The following FRMD3 variants were observed in gnomAD, a reference collection of about 807,000 sequenced individuals.
FRMD3 encodes the protein FERM domain containing 3, also known as FERM domain-containing protein 3.
FRMD3 carries 33 observed loss-of-function variants against 70.2 expected under a neutral mutation model. That is an observed-to-expected ratio of 0.47 (90% CI 0.36 to 0.63). The LOEUF (loss-of-function observed/expected upper bound fraction) is 0.63, where lower values mean the gene tolerates loss of function less well. Among genes scored for constraint, FRMD3 ranks in the 20% least tolerant of loss-of-function variants. FRMD3 has a pLI of 0.00. For synonymous variants in FRMD3, 279 were observed against 255.9 expected (o/e 1.09, Z -0.86); for missense variants, 632 against 711.4 (o/e 0.89, Z 1.27).
At chr9:83,516,670 T>G (rs1829462252) in intron 1 of FRMD3, among the ~76,000 whole-genome samples, 1 of 152,190 alleles carries the variant, frequency 6.6e-6, no homozygotes, top group African/African-American at 2.4e-5. Context: ...AGAATATACA[T>G]TCTTCTCAGC....
the FRMD3 span, among the ~76,000 whole-genome samples, chr9:83,554,985 C>T: frequency 6.6e-6 from 1 of 152,192 alleles, no homozygotes; most frequent in Non-Finnish European, 1.5e-5. Context: ...GCAGCCTGTC[C>T]CTCCCTCTGG....
chr9:83,513,980 T>C (rs897700620), intron 1 of FRMD3, among the ~76,000 whole-genome samples: 1 of 152,222 alleles, frequency 6.6e-6, no homozygotes, highest in Non-Finnish European at 1.5e-5. Flanking sequence ...GACCAGGAGA[T>C]TCCCTTGGGT....
intron 6 of FRMD3, among the ~76,000 whole-genome samples, chr9:83,319,751 A>T (rs1355938330): frequency 6.6e-6 from 1 of 152,202 alleles, no homozygotes; most frequent in African/African-American, 2.4e-5. Flanking sequence ...AATGGGTCAC[A>T]TGAGATCCAA....
chr9:83,306,151 A>C (rs1835127444), intron 10 of FRMD3, among the ~76,000 whole-genome samples: 1 of 152,178 alleles, frequency 6.6e-6, no homozygotes. Flanking sequence ...AATGTCTCCA[A>C]GTTATTCTTT....
intron 1 of FRMD3, among the ~76,000 whole-genome samples, chr9:83,501,287 C>G (rs1300329790): frequency 6.7e-6 from 1 of 150,260 alleles, no homozygotes; most frequent in Non-Finnish European, 1.5e-5. Context: ...GAGCGAGACT[C>G]CATCTCAAAA....
chr9:83,415,763 A>G (rs1826422620), intron 1 of FRMD3, among the ~76,000 whole-genome samples: 3 of 151,826 alleles, frequency 2.0e-5, no homozygotes, highest in Admixed American at 6.6e-5. Context: ...CCCAGCCGAG[A>G]AAGGAAATTC....
rs538200581 is a variant in FRMD3, at chr9:83,263,145, G to A, written c.1196-14629C>T. On this transcript the variant is annotated intron_variant, in intron 13 of 13. Transcript: ENST00000304195. ...GCCGTCCTATGGTGCTGACAGCAAC[G>A]GCATGAGGGGAAGCTTGGCTGACTG... Among the ~76,000 whole-genome samples the A allele has an allele frequency of 9.8e-5, 15 of 152,300 alleles. No individual in the cohort carries two copies. In the South Asian group the frequency reaches 1.7e-3, roughly 17 times the overall value.
At chr9:83,539,113 A>C (rs1829965706), upstream of FRMD3, among the ~76,000 whole-genome samples, 1 of 152,152 alleles carries the variant, frequency 6.6e-6, no homozygotes. Context: ...AGCAAGAGGG[A>C]TAGGTTCCTA....
intron 7 of FRMD3, 121 bp from the exon 8 acceptor site, chr9:83,312,096 G>A: frequency 5.6e-6 from 4 of 718,514 alleles, no homozygotes; most frequent in East Asian, 2.8e-5. Context: ...CCCAATGATT[G>A]TAGCAATAAA....
At chr9:83,418,045 T>C (rs1458016534) in intron 1 of FRMD3, among the ~76,000 whole-genome samples, 1 of 143,328 alleles carries the variant, frequency 7.0e-6, no homozygotes, top group Non-Finnish European at 1.5e-5. Flanking sequence ...ACCGTGCTTT[T>C]GAAGAGCTTG....
intron 4 of FRMD3, among the ~76,000 whole-genome samples, chr9:83,347,066 G>A (rs1823987038): frequency 6.6e-6 from 1 of 152,124 alleles, no homozygotes; most frequent in South Asian, 2.1e-4. Flanking sequence ...GATGAGTTTG[G>A]CCATGAAAAA....
chr9:83,431,608 CT>C (rs1266853197), intron 1 of FRMD3, among the ~76,000 whole-genome samples: 1 of 151,958 alleles, frequency 6.6e-6, no homozygotes, highest in African/African-American at 2.4e-5. Context: ...TTTGACTTCT[CT>C]GCTATTTTAG....
intron 6 of FRMD3, among the ~76,000 whole-genome samples, chr9:83,326,886 T>C (rs1461510677): frequency 6.6e-6 from 1 of 152,228 alleles, no homozygotes; most frequent in Non-Finnish European, 1.5e-5. Context: ...TAATTGTGTA[T>C]TTAGCTGTAT....
intron 1 of FRMD3, among the ~76,000 whole-genome samples, chr9:83,523,580 C>T (rs1056524574): frequency 1.3e-5 from 2 of 152,060 alleles, no homozygotes; most frequent in African/African-American, 4.8e-5. Context: ...GTTGAATAAT[C>T]GCATTAAAAG....
chr9:83,431,319 T>C (rs768529314), intron 1 of FRMD3, among the ~76,000 whole-genome samples: 5 of 152,260 alleles, frequency 3.3e-5, no homozygotes, highest in Non-Finnish European at 7.3e-5. Flanking sequence ...AAATGCTCAT[T>C]ATTCCCATGT....
At chr9:83,462,818 T>A (rs1253235745) in intron 1 of FRMD3, among the ~76,000 whole-genome samples, 1 of 152,220 alleles carries the variant, frequency 6.6e-6, no homozygotes, top group Non-Finnish European at 1.5e-5. Flanking sequence ...CTCAATGAAC[T>A]GTCCTGGCAC....
Position 83,290,652 on chromosome 9 carries a change from G to A in FRMD3, c.1146C>T (p.Pro382=), listed in dbSNP as rs1834380654. Residue 382 remains proline, a synonymous_variant, in exon 13 of 14, where the codon CCC becomes CCT. Coordinates refer to ENST00000304195, the MANE Select transcript of FRMD3 (RefSeq NM_174938.6). ...QLIINMEPLQ[P]LLPSPSEQEE... ...CTTGCTCGCTGGGGGAAGGAAGCAG[G>A]GGCTGCAGGGGTTCCATGTTAATGA... The A allele has an allele frequency of 4.3e-6, 7 of 1,614,044 alleles. No individual in the cohort carries two copies. Among genetic ancestry groups the A allele is most frequent in the Non-Finnish European group, 5.9e-6 (7 of 1,179,970 alleles).
At chr9:83,276,720 A>G (rs1833805016) in intron 13 of FRMD3, among the ~76,000 whole-genome samples, 1 of 152,244 alleles carries the variant, frequency 6.6e-6, no homozygotes, top group African/African-American at 2.4e-5. Context: ...ATATATGTAT[A>G]CATACTGAGA....
chr9:83,349,195 A>C (rs1440924042), intron 4 of FRMD3, among the ~76,000 whole-genome samples: 1 of 152,190 alleles, frequency 6.6e-6, no homozygotes, highest in Non-Finnish European at 1.5e-5. Flanking sequence ...GGACTCAAAA[A>C]TTCGGAGAGT....
Sources: gnomAD v4.1 joint callset for allele counts (sites outside exome capture counted in the v4.1 genomes callset) on GRCh38, gnomAD v4.1.1 for gene constraint, MANE v1.5 for transcripts, NCBI Gene and HGNC (gene_info 2026-07-23, HGNC 2026-07-21) for gene names.